KRT8: variants seen among roughly 807,000 people sequenced by gnomAD.
KRT8 encodes the protein keratin, type II cytoskeletal 8.
Under a neutral mutation model 43.0 loss-of-function variants are expected in KRT8, and 24 were observed. The observed-to-expected ratio is 0.56, with a 90% CI of 0.40 to 0.78. KRT8 has a LOEUF of 0.78. Ranked by LOEUF, KRT8 falls within the 30% of genes least tolerant of loss-of-function variation. The probability of loss-of-function intolerance (pLI) is 0.00; values close to 1 mark genes in which losing one functional copy is unlikely to be tolerated. For synonymous variants in KRT8, 214 were observed against 261.2 expected, an observed-to-expected ratio of 0.82 and a Z score of 1.74; for missense variants, 492 against 638.4, an observed-to-expected ratio of 0.77 and a Z score of 2.47.
intron 2 of KRT8, among the ~76,000 whole-genome samples, chr12:52,939,076 C>A (rs1942225631): frequency 6.6e-6 from 1 of 151,602 alleles, no homozygotes; most frequent in Non-Finnish European, 1.5e-5. Flanking sequence ...CAGAGCAAGA[C>A]CCTGTATCTT....
At chr12:52,911,570 A>C (rs1291543290), upstream of KRT8, among the ~76,000 whole-genome samples, 1 of 152,222 alleles carries the variant, frequency 6.6e-6, no homozygotes, top group East Asian at 1.9e-4. Flanking sequence ...ACAAATATTA[A>C]TTCATTTAAC....
upstream of KRT8, among the ~76,000 whole-genome samples, chr12:52,909,118 T>C (rs768853867): frequency 9.9e-5 from 15 of 152,246 alleles, no homozygotes; most frequent in Non-Finnish European, 1.8e-4. Context: ...TTGAATTATA[T>C]TGTATGTGAA....
intron 2 of KRT8, among the ~76,000 whole-genome samples, chr12:52,912,192 G>A (rs993672123): frequency 5.9e-5 from 9 of 152,208 alleles, no homozygotes; most frequent in African/African-American, 2.2e-4. Context: ...GAGGAGCAGA[G>A]TCACAGCATT....
intron 1 of KRT8, 129 bp downstream of exon 1, chr12:52,904,529 G>A (rs1482341451): frequency 3.4e-6 from 3 of 873,944 alleles, no homozygotes; most frequent in Non-Finnish European, 5.6e-6. Flanking sequence ...GAGGATGGAA[G>A]GGAGAGTGTC....
At chr12:52,922,858 C>T (rs1941915677) in intron 2 of KRT8, among the ~76,000 whole-genome samples, 1 of 152,210 alleles carries the variant, frequency 6.6e-6, no homozygotes, top group Non-Finnish European at 1.5e-5. Context: ...TCCCCTGGAT[C>T]TAGGCAGACA....
At chr12:52,925,800 C>T (rs1941977869) in intron 2 of KRT8, among the ~76,000 whole-genome samples, 1 of 152,168 alleles carries the variant, frequency 6.6e-6, no homozygotes, top group Non-Finnish European at 1.5e-5. Context: ...TTCTTTGTCT[C>T]TTCCAGCCCT....
At chr12:52,926,936 C>CTGAATGAATGAATGAA (rs60430117) in intron 2 of KRT8, among the ~76,000 whole-genome samples, 3 of 150,464 alleles carry the variant, frequency 2.0e-5, no homozygotes, top group East Asian at 2.0e-4. Flanking sequence ...GTTTGATTCA[C>CTGAATGAATGAATGAA]TGAATGAATG....
intron 2 of KRT8, among the ~76,000 whole-genome samples, chr12:52,932,163 A>C (rs1942095476): frequency 6.9e-6 from 1 of 144,752 alleles, no homozygotes; most frequent in African/African-American, 2.6e-5. Flanking sequence ...GCACGATCTC[A>C]GCTCACTGCA....
In KRT8 at chr12:52,899,898, A is replaced by T. The variant is rs777168190; in HGVS notation, c.858T>A (p.Tyr286Ter). 6.2e-7 allele frequency: 1 copy of T among 1,612,862 alleles called. No individual in the cohort carries two copies. The highest frequency in any genetic ancestry group is 1.1e-5 in the South Asian group (1 of 91,010). The stretch of plus-strand genomic sequence containing the variant: ...TCCCAGCCAGGCTCTGCAGCTCCTC[A>T]TACTTGATCTGGTACATGCTCTCAG... Residue 286 changes from tyrosine (Y) to a stop codon, truncating the protein, a stop_gained, in exon 5 of 8, where the codon TAT becomes TAA. Transcript: ENST00000692008. LOFTEE classifies it high-confidence loss of function.
At chr12:52,903,863 C>CCCCAA (rs1181274483) in intron 1 of KRT8, among the ~76,000 whole-genome samples, 1 of 101,496 alleles carries the variant, frequency 9.9e-6, no homozygotes, top group African/African-American at 3.5e-5. Flanking sequence ...CCCCAGCCCA[C>CCCCAA]CCCACCCCAC....
chr12:52,944,798 G>A (rs1942319344), intron 2 of KRT8, among the ~76,000 whole-genome samples: 1 of 152,192 alleles, frequency 6.6e-6, no homozygotes, highest in African/African-American at 2.4e-5. Context: ...CTGGGGAAGA[G>A]GGCCTGGCCC....
chr12:52,942,100 T>C (rs573959565), intron 2 of KRT8, among the ~76,000 whole-genome samples: 1 of 152,232 alleles, frequency 6.6e-6, no homozygotes, highest in African/African-American at 2.4e-5. Context: ...TCTAGTTGTA[T>C]TTATCTTTGT....
At chr12:52,929,508 A>T (rs56106311) in intron 2 of KRT8, among the ~76,000 whole-genome samples, 1,723 of 152,226 alleles carry the variant, frequency 0.011, 37 homozygotes, top group African/African-American at 0.039. Context: ...TTCTTAAAAG[A>T]CAATTCCTTT....
intron 2 of KRT8, among the ~76,000 whole-genome samples, chr12:52,925,440 T>C (rs893295312): frequency 6.6e-6 from 1 of 152,148 alleles, no homozygotes; most frequent in Non-Finnish European, 1.5e-5. Flanking sequence ...TGGCGCCATT[T>C]AGGGTCTGAA....
intron 1 of KRT8, among the ~76,000 whole-genome samples, chr12:52,902,821 G>A (rs996803689): frequency 5.9e-5 from 9 of 152,086 alleles, no homozygotes; most frequent in Non-Finnish European, 1.2e-4. Context: ...AGACCAGCCT[G>A]GCCAACATAT....
intron 2 of KRT8, among the ~76,000 whole-genome samples, chr12:52,944,123 G>A (rs73297787): frequency 0.032 from 4,859 of 152,234 alleles, 95 homozygotes; most frequent in Admixed American, 0.043. Flanking sequence ...TTCCAGGCAC[G>A]TCATCTCATT....
chr12:52,944,741 C>A (rs1343685158), intron 2 of KRT8, among the ~76,000 whole-genome samples: 1 of 152,170 alleles, frequency 6.6e-6, no homozygotes, highest in African/African-American at 2.4e-5. Context: ...CAAACCCAAC[C>A]GAAGCAATGA....
At chr12:52,928,356 A>G (rs1442198060) in intron 2 of KRT8, among the ~76,000 whole-genome samples, 1 of 152,102 alleles carries the variant, frequency 6.6e-6, no homozygotes. Flanking sequence ...CACCACCACC[A>G]TCCTTAACAA....
chr12:52,903,937 T>G (rs7953982), intron 1 of KRT8, among the ~76,000 whole-genome samples: 55,435 of 145,312 alleles, frequency 0.38, 10,990 homozygotes, highest in African/African-American at 0.45. Flanking sequence ...GTCCCGAGAC[T>G]GCTGCCCGCA....
Sources: gnomAD v4.1 joint callset for allele counts (sites outside exome capture counted in the v4.1 genomes callset) on GRCh38, gnomAD v4.1.1 for gene constraint, MANE v1.5 for transcripts, NCBI Gene and HGNC (gene_info 2026-07-23, HGNC 2026-07-21) for gene names.